PCDHGB1: variants seen among roughly 807,000 people sequenced by gnomAD.
PCDHGB1 encodes protocadherin gamma-B1.
Under a neutral mutation model 56.6 loss-of-function variants are expected in PCDHGB1, and 34 were observed. The observed-to-expected ratio is 0.60, with a 90% CI of 0.46 to 0.80. PCDHGB1 has a LOEUF of 0.80. Among genes scored for constraint, PCDHGB1 ranks in the 30% least tolerant of loss-of-function variants. PCDHGB1 has a pLI of 0.00. For missense variants in PCDHGB1, 1,278 were observed against 1,204.6 expected, an observed-to-expected ratio of 1.06 and a Z score of -0.90; for synonymous variants, 561 against 505.9, an observed-to-expected ratio of 1.11 and a Z score of -1.46.
At chr5:141,434,785 T>A (rs7727021) in intron 1 of PCDHGB1, among the ~76,000 whole-genome samples, 45,585 of 150,884 alleles carry the variant, frequency 0.3, 8,100 homozygotes, top group African/African-American at 0.51. Context: ...AAAAAAAAAA[T>A]TTTTTTTTCT....
In PCDHGB1 at chr5:141,485,340, C is replaced by T. The variant is rs139641513; in HGVS notation, c.2410-9467C>T. ...GTCGCTCAAGATTTCCTGCTGGATA[C>T]GGACAGTCTGTCAGCTCGCAGGCTG... is the stretch of plus-strand genomic sequence containing the variant. On this transcript the variant is annotated intron_variant, in intron 1 of 3. Coordinates refer to ENST00000523390, the MANE Select transcript of PCDHGB1 (RefSeq NM_018922.3). This position sits in a 1 kb window ranked among gnomAD's most constrained non-coding sequence, Gnocchi z 5.7. 1.2e-6 allele frequency: 2 copies of T among 1,613,958 alleles called. No individual in the cohort carries two copies. Among genetic ancestry groups the T allele is most frequent in the East Asian group, 2.2e-5 (1 of 44,884 alleles).
chr5:141,352,202 C>G lies in PCDHGB1; in HGVS notation c.1942C>G (p.Pro648Ala), dbSNP rs147767080. The G allele has an allele frequency of 0.021, 33,214 of 1,613,996 alleles. 406 individuals carry two copies. Among genetic ancestry groups the G allele is most frequent in the Non-Finnish European group, 0.026 (30,333 of 1,179,906 alleles). The change falls in exon 1 of 4, where the codon CCG (proline) becomes GCG (alanine). Residue 648 changes from proline to alanine, a missense_variant. By Grantham distance (27) the Pro-to-Ala change is conservative (BLOSUM62 -1). Transcript: ENST00000523390. ...LLVAVRDGGQ[P>A]PLSATATLHL... Reference sequence around the variant, plus strand: ...GGTCGCTGTGCGTGATGGAGGACAGCCGCCACTCTCCGCCACCGCCACGCT... The same window carrying G: ...GGTCGCTGTGCGTGATGGAGGACAGGCGCCACTCTCCGCCACCGCCACGCT...
chr5:141,419,845 G>A, intron 1 of PCDHGB1: 3 of 1,614,064 alleles, frequency 1.9e-6, no homozygotes, highest in Non-Finnish European at 2.5e-6. Context: ...CGCTGCACCT[G>A]GTGTTCGCAG....
intron 2 of PCDHGB1, 91 bp from the exon 3 acceptor site, chr5:141,505,302 G>T: frequency 6.3e-7 from 1 of 1,592,714 alleles, no homozygotes; most frequent in Non-Finnish European, 8.5e-7. Context: ...TAGGGTTAGG[G>T]TACTAGGTTT....
chr5:141,375,994 G>A lies in PCDHGB1; in HGVS notation c.2409+23325G>A, dbSNP rs553803944. ...CGCGCGCCCTGCTGGACAGAGACGC[G>A]CTCAAGCAGAGCCTAGTGGTGGCCG... On this transcript the variant is annotated intron_variant, in intron 1 of 3. Coordinates refer to ENST00000523390, the MANE Select transcript of PCDHGB1 (RefSeq NM_018922.3). The A allele has an allele frequency of 2.5e-6, 4 of 1,613,410 alleles. No individual in the cohort carries two copies. The South Asian group carries it at 3.3e-5, about 13-fold the overall frequency.
chr5:141,419,618 C>T (rs746617593), intron 1 of PCDHGB1: 3 of 1,612,326 alleles, frequency 1.9e-6, no homozygotes, highest in South Asian at 1.1e-5. Flanking sequence ...GCCAGGCTAC[C>T]TGGTGACCAA....
At chr5:141,418,149 AAG>A (rs768024698) in intron 1 of PCDHGB1, 1 of 1,613,982 alleles carries the variant, frequency 6.2e-7, no homozygotes, top group Non-Finnish European at 8.5e-7. Flanking sequence ...CAAATATGCA[AAG>A]AGAGAAGAAG....
intron 1 of PCDHGB1, among the ~76,000 whole-genome samples, chr5:141,444,152 ATTTTTTTTTTTTTTTTTTTTT>A (rs747671382): frequency 8.9e-5 from 3 of 33,882 alleles, no homozygotes; most frequent in Admixed American, 3.9e-4. Context: ...TGTGTACTGG[ATTTTTTTTTTTTTTTTTTTTT>A]TTTTTTTTTT....
In PCDHGB1 at chr5:141,489,597, A is replaced by G; in HGVS notation, c.2410-5210A>G. 6.2e-7 allele frequency: 1 copy of G among 1,614,100 alleles called. No individual in the cohort carries two copies. The highest frequency in any genetic ancestry group is 1.3e-5 in the African/African-American group (1 of 75,040). ...AACACCCCCTGGAGCTAATCCGTGTAGAGGTAGAGATCCTGGATCTCAATG... is the reference window on the plus strand; with the variant it reads ...AACACCCCCTGGAGCTAATCCGTGTGGAGGTAGAGATCCTGGATCTCAATG... On this transcript the variant is annotated intron_variant, in intron 1 of 3. Transcript: ENST00000523390. The surrounding 1 kb of genome is among the most constrained non-coding windows in gnomAD (Gnocchi z 4.5).
chr5:141,509,051 A>G (rs1051961974), intron 3 of PCDHGB1, among the ~76,000 whole-genome samples: 1 of 152,166 alleles, frequency 6.6e-6, no homozygotes, highest in Admixed American at 6.5e-5. Context: ...CCCCGCCCCC[A>G]GAAAGCTCTC....
At chr5:141,372,599 T>C (rs1768901288) in intron 1 of PCDHGB1, 1 of 1,613,920 alleles carries the variant, frequency 6.2e-7, no homozygotes, top group Non-Finnish European at 8.5e-7. Context: ...GCTTCAAGAC[T>C]GTACCTGGAG....
Position 141,476,889 on chromosome 5 carries a change from C to T in PCDHGB1, c.2410-17918C>T. ...CGGGCGCGCGTCCTGGAGGATGCAC[C>T]CTCCGGCACGCGCGTGGTACAAGTC... is the stretch of plus-strand genomic sequence containing the variant. On this transcript the variant is annotated intron_variant, in intron 1 of 3. Transcript: ENST00000523390. This position sits in a 1 kb window ranked among gnomAD's most constrained non-coding sequence, Gnocchi z 7.6. 6.2e-7 allele frequency: 1 copy of T among 1,613,960 alleles called. No individual in the cohort carries two copies. The highest frequency in any genetic ancestry group is 8.5e-7 in the Non-Finnish European group (1 of 1,180,034).
chr5:141,457,193 A>G (rs2154565853), intron 1 of PCDHGB1, among the ~76,000 whole-genome samples: 1 of 152,356 alleles, frequency 6.6e-6, no homozygotes, highest in African/African-American at 2.4e-5. Flanking sequence ...GAGTGAGGAA[A>G]GCAGTTCCCA....
chr5:141,427,114 A>G (rs767478190), intron 1 of PCDHGB1: 1 of 457,522 alleles, frequency 2.2e-6, no homozygotes, highest in Non-Finnish European at 4.4e-6. Flanking sequence ...GAGATCACCT[A>G]CTCTTTCAAA....
chr5:141,350,709 C>T lies in PCDHGB1; in HGVS notation c.449C>T (p.Ser150Phe). ...CESALPGVKF[S>F]LDSAQDADVE... Reference sequence around the variant, plus strand: ...TCAGCCTTACCCGGGGTAAAATTCTCTCTGGATTCTGCTCAAGATGCAGAT... The same window carrying T: ...TCAGCCTTACCCGGGGTAAAATTCTTTCTGGATTCTGCTCAAGATGCAGAT... The change falls in exon 1 of 4, where the codon TCT (serine) becomes TTT (phenylalanine). Residue 150 changes from serine (S) to phenylalanine (F), a missense_variant. Physicochemically the swap from Ser to Phe is radical, Grantham distance 155. Coordinates refer to ENST00000523390, the MANE Select transcript of PCDHGB1 (RefSeq NM_018922.3). The T allele has an allele frequency of 1.2e-6, 2 of 1,613,964 alleles. No homozygotes were observed. Among genetic ancestry groups the T allele is most frequent in the Non-Finnish European group, 1.7e-6 (2 of 1,179,892 alleles).
chr5:141,432,934 G>GC lies in PCDHGB1; in HGVS notation c.2410-61872dup. On this transcript the variant is annotated intron_variant, in intron 1 of 3. Transcript: ENST00000523390. The surrounding 1 kb of genome is among the most constrained non-coding windows in gnomAD (Gnocchi z 6.0). ...GGCGCTGGCACAAGTCACGCCTGCT[G>GC]CAGGCTTCAGGAGGCGGCTTGACAG... The GC allele has an allele frequency of 6.2e-7, 1 of 1,614,196 alleles. No individual in the cohort carries two copies. Among genetic ancestry groups the GC allele is most frequent in the Non-Finnish European group, 8.5e-7 (1 of 1,180,040 alleles).
intron 1 of PCDHGB1, chr5:141,427,612 T>G (rs975527074): frequency 2.9e-6 from 2 of 691,298 alleles, no homozygotes; most frequent in African/African-American, 1.8e-5. Flanking sequence ...ATTGGTGAAG[T>G]CAACGACAAT....
At chr5:141,461,892 C>T (rs976827774) in intron 1 of PCDHGB1, among the ~76,000 whole-genome samples, 2 of 152,030 alleles carry the variant, frequency 1.3e-5, no homozygotes, top group Non-Finnish European at 2.9e-5. Context: ...GGCACGATCT[C>T]GGCTCACTGC....
At position 141,490,356 on chromosome 5, in the gene PCDHGB1, T is replaced by C. The variant is rs771968534; in HGVS notation, c.2410-4451T>C. ...CAGTGGGCACAGTAGTGGGGTTGTT[T>C]AATGTGCGAGACCGGGACTCAGGTA... On this transcript the variant is annotated intron_variant, in intron 1 of 3. Coordinates refer to ENST00000523390, the MANE Select transcript of PCDHGB1 (RefSeq NM_018922.3). The surrounding 1 kb of genome is among the most constrained non-coding windows in gnomAD (Gnocchi z 5.4). 1.4e-5 allele frequency: 23 copies of C among 1,614,084 alleles called. No individual in the cohort carries two copies. Among genetic ancestry groups the C allele is most frequent in the Non-Finnish European group, 1.9e-5 (22 of 1,180,038 alleles).
Sources: gnomAD v4.1 joint callset for allele counts (sites outside exome capture counted in the v4.1 genomes callset) on GRCh38, gnomAD v4.1.1 for gene constraint, Gnocchi (gnomAD v3.1) non-coding constraint, MANE v1.5 for transcripts, NCBI Gene and HGNC (gene_info 2026-07-23, HGNC 2026-07-21) for gene names.